The following PCDHGA12 variants were observed in gnomAD, a reference collection of about 807,000 sequenced individuals.
The protein encoded by PCDHGA12 is protocadherin gamma subfamily A, 12.
Under a neutral mutation model 61.1 loss-of-function variants are expected in PCDHGA12, and 43 were observed. The observed-to-expected ratio is 0.70, with a 90% confidence interval of 0.55 to 0.91. PCDHGA12 has a LOEUF of 0.91. Ranked by LOEUF, PCDHGA12 falls within the 40% of genes least tolerant of loss-of-function variation. PCDHGA12 has a pLI of 0.00. For synonymous variants in PCDHGA12, 520 were observed against 542.9 expected (o/e 0.96, Z 0.59); for missense variants, 1,236 against 1,227.7 (o/e 1.01, Z -0.10).
At chr5:141,500,991 C>T (rs2099804636) in intron 2 of PCDHGA12, among the ~76,000 whole-genome samples, 1 of 152,024 alleles carries the variant, frequency 6.6e-6, no homozygotes, top group South Asian at 2.1e-4. Flanking sequence ...GCCTCAGCCT[C>T]CTGAGTAGCT....
chr5:141,489,290 G>A lies in PCDHGA12; in HGVS notation c.2425-5517G>A. 6.3e-7 allele frequency: 1 copy of A among 1,577,514 alleles called. No individual in the cohort carries two copies. The highest frequency in any genetic ancestry group is 8.6e-7 in the Non-Finnish European group (1 of 1,162,002). ...CTCGCTGGGAAATGGCAAGTGCTGT[G>A]CATGTTGTCCTTGTGCTGCTGGGGC... On this transcript the variant is annotated intron_variant, in intron 1 of 3. Transcript: ENST00000252085. This position sits in a 1 kb window ranked among gnomAD's most constrained non-coding sequence, Gnocchi z 4.5.
At chr5:141,441,298 T>C (rs1289976355) in intron 1 of PCDHGA12, 1 of 152,150 alleles carries the variant, frequency 6.6e-6, no homozygotes, top group Non-Finnish European at 1.5e-5. Flanking sequence ...ATGTCTGATA[T>C]AAGAAAATGC....
chr5:141,507,861 C>G (rs538942097), intron 3 of PCDHGA12, among the ~76,000 whole-genome samples: 6 of 152,306 alleles, frequency 3.9e-5, no homozygotes, highest in South Asian at 4.1e-4. Flanking sequence ...CTTTCACACC[C>G]GCTTCCTAGC....
chr5:141,502,402 A>T (rs1317862793), intron 2 of PCDHGA12, among the ~76,000 whole-genome samples: 1 of 151,976 alleles, frequency 6.6e-6, no homozygotes, highest in Admixed American at 6.6e-5. Flanking sequence ...AATGTCCCCG[A>T]ACCTGGATTT....
intron 1 of PCDHGA12, among the ~76,000 whole-genome samples, chr5:141,482,866 G>A (rs768388750): frequency 2.7e-5 from 4 of 150,296 alleles, no homozygotes; most frequent in Non-Finnish European, 4.4e-5. Flanking sequence ...GAGGTCAGGA[G>A]TTTGAAACCA....
chr5:141,488,564 G>A (rs1047904416), intron 1 of PCDHGA12, among the ~76,000 whole-genome samples: 4 of 152,154 alleles, frequency 2.6e-5, no homozygotes, highest in Non-Finnish European at 5.9e-5. Context: ...TGAGATTTCC[G>A]CAAAGCATTG....
intron 3 of PCDHGA12, among the ~76,000 whole-genome samples, chr5:141,509,815 TCTC>T (rs1596250992): frequency 6.6e-6 from 1 of 152,226 alleles, no homozygotes; most frequent in East Asian, 1.9e-4. Flanking sequence ...GCCGAGCTCT[TCTC>T]CATCTTCTCT....
chr5:141,489,229 G>C lies in PCDHGA12; in HGVS notation c.2425-5578G>C. The C allele has an allele frequency of 6.6e-7, 1 of 1,522,252 alleles. No homozygotes were observed. Among genetic ancestry groups the C allele is most frequent in the Non-Finnish European group, 8.8e-7 (1 of 1,133,810 alleles). The allele number at this position is 1,522,252 out of a possible 1,614,324, so 94.3% of individuals were successfully genotyped here. On this transcript the variant is annotated intron_variant, in intron 1 of 3. Coordinates refer to ENST00000252085, the MANE Select transcript of PCDHGA12 (RefSeq NM_003735.3). This position sits in a 1 kb window ranked among gnomAD's most constrained non-coding sequence, Gnocchi z 4.5. ...AGCACAGACTTACTCTCCACAAAGG[G>C]ACTTCTGGGTCATGGGGCCCAAGAC...
At position 141,491,942 on chromosome 5, in the gene PCDHGA12, C is replaced by T. The variant is rs932715298; in HGVS notation, c.2425-2865C>T. 6.4e-5 allele frequency: 72 copies of T among 1,122,376 alleles called. No individual in the cohort carries two copies. Among genetic ancestry groups the T allele is most frequent in the Admixed American group, 3.5e-5 (1 of 28,738 alleles). 69.5% of individuals were successfully genotyped at this position (1,122,376 alleles called of 1,614,324 possible). A position where few individuals can be genotyped will look rare whatever the true frequency, so the allele number is the denominator to read the frequency against. ...GGCGAGGGGAGGTGGGACCGACCCC[C>T]ACCCCTACACTCAAAAAAGGCCGGG... is the stretch of plus-strand genomic sequence containing the variant. On this transcript the variant is annotated intron_variant, in intron 1 of 3. Transcript: ENST00000252085. The surrounding 1 kb of genome is among the most constrained non-coding windows in gnomAD (Gnocchi z 6.9).
At chr5:141,449,471 G>T (rs1261821886) in intron 1 of PCDHGA12, among the ~76,000 whole-genome samples, 1 of 151,060 alleles carries the variant, frequency 6.6e-6, no homozygotes, top group African/African-American at 2.4e-5. Flanking sequence ...GCCAGGCCTG[G>T]TACCCCATGC....
intron 1 of PCDHGA12, among the ~76,000 whole-genome samples, chr5:141,461,001 A>G (rs1309762345): frequency 4.0e-5 from 6 of 150,320 alleles, no homozygotes; most frequent in South Asian, 4.2e-4. Context: ...ATATATGTGT[A>G]TATATATATA....
intron 2 of PCDHGA12, among the ~76,000 whole-genome samples, chr5:141,502,124 A>G (rs4912762): frequency 0.55 from 83,213 of 152,012 alleles, 23,486 homozygotes; most frequent in African/African-American, 0.67. Flanking sequence ...CCAGGCCCAC[A>G]GAGCTCAGTC....
rs372043756 is a variant in PCDHGA12 at position 141,476,212 on chromosome 5, C to G, written c.2425-18595C>G. ...GTGCCTTGAACAAGGCTTCCACGGT[C>G]ATTCACTATGAGATCCCGGAGGAAA... On this transcript the variant is annotated intron_variant, in intron 1 of 3. Coordinates refer to ENST00000252085, the MANE Select transcript of PCDHGA12 (RefSeq NM_003735.3). The surrounding 1 kb of genome is among the most constrained non-coding windows in gnomAD (Gnocchi z 7.6). 6 of 1,613,932 alleles carry G rather than the reference C, an allele frequency of 3.7e-6. No individual in the cohort carries two copies. The highest frequency in any genetic ancestry group is 5.1e-6 in the Non-Finnish European group (6 of 1,180,012).
At chr5:141,472,980 C>CAAAAAAAAAAAAAAAAAAAAAA (rs60579131) in intron 1 of PCDHGA12, among the ~76,000 whole-genome samples, 6 of 86,102 alleles carry the variant, frequency 7.0e-5, no homozygotes, top group African/African-American at 1.2e-4. Flanking sequence ...GAGTGAAACT[C>CAAAAAAAAAAAAAAAAAAAAAA]AAAAAAAAAA....
In PCDHGA12 at chr5:141,490,309, A is replaced by G. The variant is rs1485303337; in HGVS notation, c.2425-4498A>G. On this transcript the variant is annotated intron_variant, in intron 1 of 3. Transcript: ENST00000252085. The surrounding 1 kb of genome is among the most constrained non-coding windows in gnomAD (Gnocchi z 5.4). ...AGAGGTGCTATTGGCCTCTTTGGCCAACCCTGTCCTAGAGAGCACACCAGT... is the reference window on the plus strand; with the variant it reads ...AGAGGTGCTATTGGCCTCTTTGGCCGACCCTGTCCTAGAGAGCACACCAGT... The G allele has an allele frequency of 2.8e-5, 46 of 1,614,126 alleles. No homozygotes were observed. Among genetic ancestry groups the G allele is most frequent in the Non-Finnish European group, 3.8e-5 (45 of 1,180,056 alleles).
rs2099811015 is a variant in PCDHGA12 at position 141,501,774 on chromosome 5, G to GTC, written c.2484-3612_2484-3611dup. ...CTCTCAGTAAATGGTTAAAAAAGAG[G>GTC]TCTCTCTCCCTCTGCTCATCTCTTA... is the stretch of plus-strand genomic sequence containing the variant. On this transcript the variant is annotated intron_variant, in intron 2 of 3. Coordinates refer to ENST00000252085, the MANE Select transcript of PCDHGA12 (RefSeq NM_003735.3). Among the ~76,000 whole-genome samples, 3 of 152,062 alleles carry GTC rather than the reference G, an allele frequency of 2.0e-5. No homozygotes were observed. In the South Asian group the frequency reaches 6.2e-4, roughly 32 times the overall value.
chr5:141,510,833 C>G, intron 3 of PCDHGA12, 114 bp from the exon 4 acceptor site: 2 of 1,577,796 alleles, frequency 1.3e-6, no homozygotes, highest in Admixed American at 1.7e-5. Context: ...CAGTGCTCAG[C>G]GTGGTCAAGG....
intron 1 of PCDHGA12, among the ~76,000 whole-genome samples, chr5:141,438,626 A>G (rs1309857700): frequency 2.3e-5 from 1 of 43,566 alleles, no homozygotes; most frequent in Non-Finnish European, 3.7e-5. Flanking sequence ...ATATATATAT[A>G]TATATATATA....
chr5:141,436,878 G>T (rs914354261), intron 1 of PCDHGA12, among the ~76,000 whole-genome samples: 1 of 152,216 alleles, frequency 6.6e-6, no homozygotes, highest in African/African-American at 2.4e-5. Context: ...GGCCATAAAA[G>T]ATGGGGGAAA....
Sources: allele counts gnomAD v4.1 joint callset (sites outside exome capture counted in the v4.1 genomes callset), GRCh38; gene constraint gnomAD v4.1.1; non-coding constraint Gnocchi (gnomAD v3.1); transcripts MANE v1.5; gene names NCBI Gene and HGNC (gene_info 2026-07-23, HGNC 2026-07-21).